The following FAF1 variants were observed in gnomAD, a reference collection of about 807,000 sequenced individuals.
FAF1 encodes Fas associated factor 1.
FAF1 carries 25 observed loss-of-function variants against 92.5 expected under a neutral mutation model. That is an observed-to-expected ratio of 0.27 (90% confidence interval 0.20 to 0.38). The LOEUF is 0.38. Ranked by LOEUF, FAF1 falls within the 10% of genes least tolerant of loss-of-function variation. FAF1 has a pLI of 1.00. For missense variants in FAF1, 636 were observed against 793.3 expected, an observed-to-expected ratio of 0.80 and a Z score of 2.38; for synonymous variants, 234 against 273.2, an observed-to-expected ratio of 0.86 and a Z score of 1.42.
chr1:50,639,941 A>AAAAAAAT (rs1654242029), intron 8 of FAF1, among the ~76,000 whole-genome samples: 1 of 151,814 alleles, frequency 6.6e-6, no homozygotes, highest in African/African-American at 2.4e-5. Context: ...CTCAAAAAAA[A>AAAAAAAT]AAAAAAAAAA....
intron 4 of FAF1, among the ~76,000 whole-genome samples, chr1:50,748,500 AAAAAAAG>A (rs912471031): frequency 1.3e-5 from 2 of 152,114 alleles, no homozygotes; most frequent in South Asian, 2.1e-4. Flanking sequence ...TCAAAAAAAA[AAAAAAAG>A]AAAAGAAAAA....
At chr1:50,774,715 T>C (rs1157694447) in intron 4 of FAF1, among the ~76,000 whole-genome samples, 5 of 152,120 alleles carry the variant, frequency 3.3e-5, no homozygotes, top group Non-Finnish European at 7.4e-5. Flanking sequence ...ATTAAACAAA[T>C]AGCTGCATGT....
intron 7 of FAF1, among the ~76,000 whole-genome samples, chr1:50,693,852 G>A (rs1052105031): frequency 6.6e-5 from 10 of 151,726 alleles, no homozygotes; most frequent in Non-Finnish European, 1.0e-4. Flanking sequence ...TGAAGCACAC[G>A]AGATTTCTAA....
intron 1 of FAF1, among the ~76,000 whole-genome samples, chr1:50,937,372 A>AATCT (rs956661156): frequency 1.3e-5 from 2 of 152,070 alleles, no homozygotes; most frequent in Non-Finnish European, 2.9e-5. Context: ...GACTTAGATA[A>AATCT]GAGTTAATGC....
chr1:50,648,489 T>C (rs1441648032), intron 8 of FAF1, among the ~76,000 whole-genome samples: 1 of 152,184 alleles, frequency 6.6e-6, no homozygotes, highest in Non-Finnish European at 1.5e-5. Flanking sequence ...ACTCAGAGCC[T>C]GTATGGGAAA....
chr1:50,629,280 C>T (rs1385837758), intron 8 of FAF1, among the ~76,000 whole-genome samples: 1 of 151,590 alleles, frequency 6.6e-6, no homozygotes, highest in African/African-American at 2.4e-5. Flanking sequence ...AGTGATTATC[C>T]TGTCTCAGCC....
chr1:50,632,370 CAAGAT>C lies in FAF1; in HGVS notation c.744+23067_744+23071del, dbSNP rs1185540977. 2.1e-4 allele frequency among the ~76,000 whole-genome samples: 32 copies of C among 152,276 alleles called. No individual in the cohort carries two copies. In the East Asian group the frequency reaches 6.0e-3, roughly 28 times the overall value. On this transcript the variant is annotated intron_variant, in intron 8 of 18. Coordinates refer to ENST00000396153, the MANE Select transcript of FAF1 (RefSeq NM_007051.3). Reference sequence around the variant, plus strand: ...CCAGTTTTCAACTGAACATCTAATTCAAGATAACTGATTGGCTTTTATTAAGCCAA... The same window carrying C: ...CCAGTTTTCAACTGAACATCTAATTCAACTGATTGGCTTTTATTAAGCCAA...
chr1:50,823,063 C>G (rs994435975), intron 2 of FAF1, among the ~76,000 whole-genome samples: 3 of 152,046 alleles, frequency 2.0e-5, no homozygotes, highest in Admixed American at 2.0e-4. Context: ...CTTGAGGCAC[C>G]GTGCCCGGCC....
intron 1 of FAF1, among the ~76,000 whole-genome samples, chr1:50,859,405 A>G (rs1570062768): frequency 6.6e-6 from 1 of 151,944 alleles, no homozygotes; most frequent in Admixed American, 6.6e-5. Context: ...TAACTTCAGT[A>G]AAGTTTCAAG....
At chr1:50,794,102 T>C (rs964411588) in intron 3 of FAF1, among the ~76,000 whole-genome samples, 2 of 152,224 alleles carry the variant, frequency 1.3e-5, no homozygotes, top group African/African-American at 2.4e-5. Context: ...CTTTGATACT[T>C]TGGTAGGACG....
intron 15 of FAF1, among the ~76,000 whole-genome samples, chr1:50,524,334 TTG>T (rs1316055483): frequency 6.6e-6 from 1 of 152,212 alleles, no homozygotes; most frequent in Non-Finnish European, 1.5e-5. Context: ...ATTCTGTAGG[TTG>T]TCTGTTTACT....
At chr1:50,711,115 G>A (rs1419911007) in intron 6 of FAF1, among the ~76,000 whole-genome samples, 1 of 148,614 alleles carries the variant, frequency 6.7e-6, no homozygotes. Context: ...TCACCATTGT[G>A]GTCAGGCTGG....
intron 15 of FAF1, among the ~76,000 whole-genome samples, chr1:50,519,294 A>G (rs1486090743): frequency 2.0e-5 from 3 of 149,938 alleles, no homozygotes. Context: ...ACGCCACTGC[A>G]CTCCAGCCTG....
chr1:50,447,187 A>G (rs1337572899), intron 18 of FAF1, among the ~76,000 whole-genome samples: 3 of 133,748 alleles, frequency 2.2e-5, no homozygotes, highest in Admixed American at 1.8e-4. Context: ...GTGCAGGGGC[A>G]CGATCTCGGC....
In FAF1 at chr1:50,441,173, T is replaced by A. The variant is rs1646162266; in HGVS notation, c.*267A>T. On this transcript the variant is annotated 3_prime_UTR_variant, in exon 19 of 19. Coordinates refer to ENST00000396153, the MANE Select transcript of FAF1 (RefSeq NM_007051.3). ...GATCACTCACACTTGAACAATGCAT[T>A]CGTCATTGAAGGAGGGTGAAGTGCA... 2.7e-6 allele frequency: 1 copy of A among 366,426 alleles called. No homozygotes were observed. The highest frequency in any genetic ancestry group is 4.9e-6 in the Non-Finnish European group (1 of 203,056). The allele number at this position is 366,426 out of a possible 1,614,324, so 22.7% of individuals were successfully genotyped here. A position where few individuals can be genotyped will look rare whatever the true frequency, so the allele number is the denominator to read the frequency against.
intron 1 of FAF1, among the ~76,000 whole-genome samples, chr1:50,906,929 G>C (rs1211003902): frequency 6.6e-6 from 1 of 152,188 alleles, no homozygotes; most frequent in Non-Finnish European, 1.5e-5. Context: ...GAAGAGGAGT[G>C]GTGAGAGAGG....
intron 7 of FAF1, among the ~76,000 whole-genome samples, chr1:50,683,185 G>A (rs1008696015): frequency 6.6e-6 from 1 of 151,942 alleles, no homozygotes; most frequent in African/African-American, 2.4e-5. Flanking sequence ...TATACATCAT[G>A]GTTATGGAGG....
At chr1:50,916,660 G>A (rs1644920630) in intron 1 of FAF1, among the ~76,000 whole-genome samples, 1 of 152,146 alleles carries the variant, frequency 6.6e-6, no homozygotes, top group Non-Finnish European at 1.5e-5. Flanking sequence ...ACAAATGAAA[G>A]GAGAGGAGCA....
At chr1:50,597,144 GT>G (rs34130690) in intron 8 of FAF1, among the ~76,000 whole-genome samples, 68,235 of 151,986 alleles carry the variant, frequency 0.45, 16,351 homozygotes, top group African/African-American at 0.58. Flanking sequence ...CTAGCACACA[GT>G]TGGTGGCTCA....
Sources: allele counts gnomAD v4.1 joint callset (sites outside exome capture counted in the v4.1 genomes callset), GRCh38; gene constraint gnomAD v4.1.1; transcripts MANE v1.5; gene names NCBI Gene and HGNC (gene_info 2026-07-23, HGNC 2026-07-21).